Variants in NAV3 observed in about 807,000 individuals in gnomAD.
The protein encoded by NAV3 is pore membrane and/or filament interacting like protein 1.
In NAV3, 87 loss-of-function variants were observed where a neutral mutation model predicts 244.7. The observed-to-expected ratio is 0.36, with a 90% confidence interval of 0.30 to 0.42. The LOEUF (loss-of-function observed/expected upper bound fraction) is 0.42. NAV3 is among the 20% of genes least tolerant of loss of function. The probability of loss-of-function intolerance (pLI) is 1.00; values close to 1 mark genes in which losing one functional copy is unlikely to be tolerated. For synonymous variants in NAV3, 1,126 were observed against 1,042.2 expected (o/e 1.08, Z -1.55); for missense variants, 2,663 against 2,893.3 (o/e 0.92, Z 1.83).
intron 2 of NAV3, among the ~76,000 whole-genome samples, chr12:77,742,090 T>TTATTGCTTATTGCTTATATTTA (rs1868347397): frequency 6.6e-6 from 1 of 152,114 alleles, no homozygotes; most frequent in African/African-American, 2.4e-5. Context: ...ATTTTTATGG[T>TTATTGCTTATTGCTTATATTTA]TTCTTCACTA....
chr12:77,622,033 G>T (rs1871393065), intron 2 of NAV3, among the ~76,000 whole-genome samples: 1 of 152,096 alleles, frequency 6.6e-6, no homozygotes, highest in Non-Finnish European at 1.5e-5. Flanking sequence ...AGAATGTTCT[G>T]CCTTTCTTAT....
chr12:77,909,340 C>G (rs1336276284), intron 1 of NAV3, among the ~76,000 whole-genome samples: 2 of 151,814 alleles, frequency 1.3e-5, no homozygotes, highest in Non-Finnish European at 2.9e-5. Flanking sequence ...GAGCTTTGTC[C>G]ATCCGGGTAA....
chr12:77,652,713 A>G (rs1872882720), intron 2 of NAV3, among the ~76,000 whole-genome samples: 1 of 152,252 alleles, frequency 6.6e-6, no homozygotes, highest in African/African-American at 2.4e-5. Flanking sequence ...AAGGGATAGT[A>G]AAAATTAAGT....
chr12:77,993,157 C>T (rs1244584639), intron 5 of NAV3, among the ~76,000 whole-genome samples: 5 of 152,074 alleles, frequency 3.3e-5, no homozygotes, highest in African/African-American at 9.7e-5. Flanking sequence ...TATTATGGCA[C>T]GTCTTTAAAA....
chr12:77,575,854 C>T (rs1397083763), intron 2 of NAV3, among the ~76,000 whole-genome samples: 1 of 152,154 alleles, frequency 6.6e-6, no homozygotes, highest in Non-Finnish European at 1.5e-5. Context: ...GTAGGATACA[C>T]ACTTCAGAAT....
intron 2 of NAV3, among the ~76,000 whole-genome samples, chr12:77,708,428 T>G (rs1333124896): frequency 3.2e-4 from 48 of 152,018 alleles, no homozygotes; most frequent in South Asian, 8.3e-4. Context: ...TCTCTGTTTT[T>G]GTACCAGTAC....
intron 12 of NAV3, among the ~76,000 whole-genome samples, chr12:78,094,805 T>C (rs1441454300): frequency 6.6e-6 from 1 of 151,828 alleles, no homozygotes; most frequent in Non-Finnish European, 1.5e-5. Flanking sequence ...TCCCAGCAAT[T>C]TGGGTGGCCT....
intron 2 of NAV3, among the ~76,000 whole-genome samples, chr12:77,818,045 T>C (rs982928763): frequency 1.3e-4 from 20 of 152,102 alleles, no homozygotes; most frequent in African/African-American, 4.1e-4. Flanking sequence ...GATATAAATA[T>C]ATGTATAAAC....
intron 2 of NAV3, among the ~76,000 whole-genome samples, chr12:77,740,676 AT>A (rs1041219302): frequency 3.9e-5 from 6 of 152,192 alleles, no homozygotes; most frequent in Non-Finnish European, 8.8e-5. Context: ...CATCTGGAGT[AT>A]TGAAACTTGG....
chr12:77,858,607 T>C (rs1479271507), intron 1 of NAV3, among the ~76,000 whole-genome samples: 35 of 152,102 alleles, frequency 2.3e-4, no homozygotes, highest in Admixed American at 2.3e-3. Flanking sequence ...TTTTTCACAC[T>C]GTGGGAATTG....
chr12:77,936,633 A>C (rs1255778533), intron 1 of NAV3, among the ~76,000 whole-genome samples: 2 of 152,200 alleles, frequency 1.3e-5, no homozygotes, highest in African/African-American at 4.8e-5. Context: ...TAACTCATTC[A>C]GCTGAAACTA....
chr12:77,736,344 A>G (rs1422126838), intron 2 of NAV3, among the ~76,000 whole-genome samples: 2 of 152,344 alleles, frequency 1.3e-5, no homozygotes, highest in Non-Finnish European at 2.9e-5. Flanking sequence ...ACCTCAAGAG[A>G]GAATTTTCAA....
Position 77,709,457 on chromosome 12 carries a change from T to C in NAV3, c.72+137191T>C, listed in dbSNP as rs75690489. Among the ~76,000 whole-genome samples the C allele has an allele frequency of 1.1e-3, 163 of 152,298 alleles. 1 individual carries two copies. Among genetic ancestry groups the C allele is most frequent in the African/African-American group, 3.5e-3 (145 of 41,572 alleles). On this transcript the variant is annotated intron_variant, in intron 2 of 8. Coordinates refer to the NAV3 transcript ENST00000550042. Reference sequence around the variant, plus strand: ...AGTGTTGGAAGTGCTGCCTTTTTCTTTAACAGACTTGTAGTAGAGTAAAAG... The same window carrying C: ...AGTGTTGGAAGTGCTGCCTTTTTCTCTAACAGACTTGTAGTAGAGTAAAAG...
intron 2 of NAV3, among the ~76,000 whole-genome samples, chr12:77,700,827 TATTA>T (rs1313679354): frequency 6.6e-6 from 1 of 151,980 alleles, no homozygotes; most frequent in African/African-American, 2.4e-5. Context: ...CTTTTTATTC[TATTA>T]ATATAGTTAA....
intron 12 of NAV3, among the ~76,000 whole-genome samples, chr12:78,074,388 G>T (rs1335852323): frequency 6.6e-6 from 1 of 152,174 alleles, no homozygotes; most frequent in Admixed American, 6.5e-5. Flanking sequence ...CACCTGAAGT[G>T]AGTCTTGGAG....
intron 1 of NAV3, among the ~76,000 whole-genome samples, chr12:77,832,881 C>T (rs1043490162): frequency 1.3e-5 from 2 of 152,092 alleles, no homozygotes; most frequent in African/African-American, 4.8e-5. Context: ...GTCACAGCCT[C>T]GTCTCTGGCT....
chr12:78,167,627 G>T (rs185672942), intron 23 of NAV3, among the ~76,000 whole-genome samples: 1 of 151,268 alleles, frequency 6.6e-6, no homozygotes, highest in East Asian at 2.0e-4. Flanking sequence ...TATATATTCT[G>T]GGAGACATTG....
At chr12:77,653,813 A>G (rs529050041) in intron 2 of NAV3, among the ~76,000 whole-genome samples, 1 of 152,312 alleles carries the variant, frequency 6.6e-6, no homozygotes, top group Admixed American at 6.5e-5. Context: ...ACACAAATGC[A>G]TTATAGCTCT....
At chr12:77,910,822 G>A (rs920597027) in intron 1 of NAV3, among the ~76,000 whole-genome samples, 9 of 152,068 alleles carry the variant, frequency 5.9e-5, no homozygotes, top group African/African-American at 2.2e-4. Context: ...CTAATAGGTT[G>A]GTGGTGTGCC....
Sources: gnomAD v4.1 joint callset for allele counts (sites outside exome capture counted in the v4.1 genomes callset) on GRCh38, gnomAD v4.1.1 for gene constraint, MANE v1.5 for transcripts, NCBI Gene and HGNC (gene_info 2026-07-23, HGNC 2026-07-21) for gene names.